The following ZCWPW2 variants were observed in gnomAD, a reference collection of about 807,000 sequenced individuals.
ZCWPW2 encodes zinc finger CW-type PWWP domain protein 2.
ZCWPW2 carries 45 observed loss-of-function variants against 46.6 expected under a neutral mutation model. The ratio of observed to expected loss-of-function variants is 0.96; its 90% CI spans 0.76 to 1.24. The LOEUF (loss-of-function observed/expected upper bound fraction) is 1.24. Ranked by LOEUF, ZCWPW2 falls within the 50% of genes most tolerant of loss-of-function variation. The pLI, the probability that ZCWPW2 is intolerant of heterozygous loss-of-function variation, is 0.00. For synonymous variants in ZCWPW2, 152 were observed against 137.1 expected, an observed-to-expected ratio of 1.11 and a Z score of -0.76; for missense variants, 429 against 403.9, an observed-to-expected ratio of 1.06 and a Z score of -0.53.
At chr3:28,447,429 G>T (rs1698035866) in intron 4 of ZCWPW2, among the ~76,000 whole-genome samples, 1 of 151,198 alleles carries the variant, frequency 6.6e-6, no homozygotes, top group Non-Finnish European at 1.5e-5. Flanking sequence ...TGTAGAAAAA[G>T]TATTTGACAA....
chr3:28,368,475 T>C (rs1705203037), intron 1 of ZCWPW2, among the ~76,000 whole-genome samples: 1 of 152,224 alleles, frequency 6.6e-6, no homozygotes, highest in African/African-American at 2.4e-5. Context: ...TTAAGAATGT[T>C]AAATATTGGC....
At chr3:28,349,951 A>G (rs528382799) in intron 1 of ZCWPW2, among the ~76,000 whole-genome samples, 1 of 152,302 alleles carries the variant, frequency 6.6e-6, no homozygotes, top group South Asian at 2.1e-4. Context: ...TTTAGATTTA[A>G]GTGAAAATTT....
At chr3:28,523,398 CATTT>C (rs555614070) in intron 9 of ZCWPW2, among the ~76,000 whole-genome samples, 12 of 152,034 alleles carry the variant, frequency 7.9e-5, no homozygotes, top group Non-Finnish European at 1.2e-4. Flanking sequence ...TGTTGGATTT[CATTT>C]ATTTATTTAT....
chr3:28,353,583 G>A (rs577560549), intron 1 of ZCWPW2, among the ~76,000 whole-genome samples: 1 of 152,300 alleles, frequency 6.6e-6, no homozygotes, highest in South Asian at 2.1e-4. Flanking sequence ...CCAGCAGAAA[G>A]TTGTGTCCTA....
intron 6 of ZCWPW2, among the ~76,000 whole-genome samples, chr3:28,505,937 A>C (rs2125827865): frequency 6.6e-6 from 1 of 151,854 alleles, no homozygotes; most frequent in South Asian, 2.1e-4. Flanking sequence ...TAGTGACTTA[A>C]GGAAATGGGC....
chr3:28,353,666 A>C (rs1244373951), intron 1 of ZCWPW2, among the ~76,000 whole-genome samples: 2 of 152,246 alleles, frequency 1.3e-5, no homozygotes, highest in African/African-American at 4.8e-5. Context: ...TTGTTTGCTG[A>C]CAGAGGTTTT....
In ZCWPW2 at chr3:28,360,530, A is replaced by G. The variant is rs923635447; in HGVS notation, c.-134+11327A>G. ...AGAGCAAGACTTTGTCTGAAAAAAA[A>G]AAAAAAAATTCTGTTTGTATGCATC... On this transcript the variant is annotated intron_variant, in intron 1 of 9. Transcript: ENST00000383768. 4.5e-4 allele frequency among the ~76,000 whole-genome samples: 69 copies of G among 151,710 alleles called. 1 individual carries two copies. The highest frequency in any genetic ancestry group is 7.4e-4 in the Non-Finnish European group (50 of 67,942).
At chr3:28,485,760 A>T (rs146630681) in intron 5 of ZCWPW2, among the ~76,000 whole-genome samples, 4 of 152,078 alleles carry the variant, frequency 2.6e-5, no homozygotes, top group Non-Finnish European at 4.4e-5. Flanking sequence ...TAATTCATCC[A>T]TCTGGGCCAT....
At chr3:28,411,277 A>G (rs1327209903) in intron 2 of ZCWPW2, among the ~76,000 whole-genome samples, 1 of 151,912 alleles carries the variant, frequency 6.6e-6, no homozygotes, top group East Asian at 1.9e-4. Context: ...AGAAATCCAT[A>G]TATTTATCTC....
rs199971495 is a variant in ZCWPW2 at position 28,478,808 on chromosome 3, A to G, written c.493-6A>G. 7.2e-5 allele frequency: 106 copies of G among 1,476,608 alleles called. 1 individual carries two copies. The East Asian group carries it at 2.4e-3, about 34-fold the overall frequency. 91.5% of individuals were successfully genotyped at this position (1,476,608 alleles called of 1,614,324 possible). ...GAATTTTTTTCTTTTTTCTGTATTT[A>G]TATAGCCAGAAAAGTGTAAGAATAA... On this transcript the variant is annotated splice_polypyrimidine_tract_variant and splice_region_variant and intron_variant, in intron 4 of 9. Transcript: ENST00000383768.
intron 4 of ZCWPW2, among the ~76,000 whole-genome samples, chr3:28,438,434 G>T (rs1053633420): frequency 1.2e-4 from 18 of 152,232 alleles, no homozygotes; most frequent in Admixed American, 7.9e-4. Context: ...CAGAGGGAAA[G>T]GTGCAGGTTC....
chr3:28,388,039 AGGCT>A (rs1404600079), intron 1 of ZCWPW2, among the ~76,000 whole-genome samples: 1 of 152,142 alleles, frequency 6.6e-6, no homozygotes, highest in Non-Finnish European at 1.5e-5. Flanking sequence ...GTAGGTTAGC[AGGCT>A]GGAGACAGAA....
Position 28,525,130 on chromosome 3 carries a change from AT to A in ZCWPW2, c.*443del, listed in dbSNP as rs1447297422. On this transcript the variant is annotated 3_prime_UTR_variant, in exon 10 of 10. Transcript: ENST00000383768. ...TCAAACTATTACAAAATAAAAGGAA[AT>A]AATTTTTTAAATAATTGTTTAATAG... 6.6e-6 allele frequency: 1 copy of A among 152,218 alleles called. No homozygotes were observed. Among genetic ancestry groups the A allele is most frequent in the Admixed American group, 6.6e-5 (1 of 15,244 alleles). 9.4% of individuals were successfully genotyped at this position (152,218 alleles called of 1,614,324 possible).
rs561389812 is a variant in ZCWPW2 at position 28,408,320 on chromosome 3, C to T, written c.-13-4736C>T. On this transcript the variant is annotated intron_variant, in intron 2 of 9. Transcript: ENST00000383768. Reference sequence around the variant, plus strand: ...TTGATGTGATGCCACAAACTTTCCCCTTTATAGCAACCCATTGGTTGCAAG... The same window carrying T: ...TTGATGTGATGCCACAAACTTTCCCTTTTATAGCAACCCATTGGTTGCAAG... 9.9e-5 allele frequency among the ~76,000 whole-genome samples: 15 copies of T among 152,242 alleles called. No individual in the cohort carries two copies. The South Asian group carries it at 1.9e-3, about 19-fold the overall frequency.
intron 6 of ZCWPW2, chr3:28,511,176 G>A (rs1203130445): frequency 4.9e-6 from 2 of 405,016 alleles, no homozygotes; most frequent in Non-Finnish European, 1.0e-5. Flanking sequence ...CGGCAGTAAG[G>A]GAACTCAGGA....
Position 28,434,606 on chromosome 3 carries a change from A to G in ZCWPW2, c.333-504A>G, listed in dbSNP as rs545674797. Among the ~76,000 whole-genome samples the G allele has an allele frequency of 3.3e-5, 5 of 152,306 alleles. No homozygotes were observed. In the South Asian group the frequency reaches 8.3e-4, roughly 25 times the overall value. ...GCAGAGCTCTATTTCTGCTTTTCCC[A>G]CAGTAGTTTGACTCCACAGCATTGT... On this transcript the variant is annotated intron_variant, in intron 3 of 9. Coordinates refer to ENST00000383768, the MANE Select transcript of ZCWPW2 (RefSeq NM_001040432.4).
chr3:28,399,214 C>T lies in ZCWPW2; in HGVS notation c.-14+8597C>T, dbSNP rs542267937. On this transcript the variant is annotated intron_variant, in intron 2 of 9. Transcript: ENST00000383768. The stretch of plus-strand genomic sequence containing the variant: ...ATGACAGTGTAGACAGCCGTAATCC[C>T]GCTAGGAACATAACTGCTTTGACCT... 1.6e-4 allele frequency among the ~76,000 whole-genome samples: 25 copies of T among 152,174 alleles called. No individual in the cohort carries two copies. The South Asian group carries it at 4.1e-3, about 25-fold the overall frequency.
intron 4 of ZCWPW2, among the ~76,000 whole-genome samples, chr3:28,472,494 T>C (rs1049712150): frequency 2.0e-5 from 3 of 152,132 alleles, no homozygotes; most frequent in South Asian, 2.1e-4. Flanking sequence ...CTACAATAAA[T>C]GTTGCTGAGA....
At chr3:28,469,224 T>A (rs1162326877) in intron 4 of ZCWPW2, among the ~76,000 whole-genome samples, 1 of 151,784 alleles carries the variant, frequency 6.6e-6, no homozygotes, top group Non-Finnish European at 1.5e-5. Context: ...ATACAACAGG[T>A]ACACAAATTA....
Sources: allele counts gnomAD v4.1 joint callset (sites outside exome capture counted in the v4.1 genomes callset), GRCh38; gene constraint gnomAD v4.1.1; transcripts MANE v1.5; gene names NCBI Gene and HGNC (gene_info 2026-07-23, HGNC 2026-07-21).